WDR70: variants seen among roughly 807,000 people sequenced by gnomAD.
WDR70 encodes the protein WD repeat domain 70.
In WDR70, 53 loss-of-function variants were observed where a neutral mutation model predicts 88.6. The ratio of observed to expected loss-of-function variants is 0.60; its 90% CI spans 0.48 to 0.75. The LOEUF (loss-of-function observed/expected upper bound fraction) is 0.75, where lower values mean the gene tolerates loss of function less well. Ranked by LOEUF, WDR70 falls within the 30% of genes least tolerant of loss-of-function variation. The probability of loss-of-function intolerance (pLI) is 0.00; values close to 1 mark genes in which losing one functional copy is unlikely to be tolerated. For synonymous variants in WDR70, 280 were observed against 270.0 expected (o/e 1.04, Z -0.36); for missense variants, 610 against 823.2 (o/e 0.74, Z 3.17).
At chr5:37,433,735 C>G (rs1474530510) in intron 5 of WDR70, among the ~76,000 whole-genome samples, 1 of 152,146 alleles carries the variant, frequency 6.6e-6, no homozygotes, top group East Asian at 1.9e-4. Flanking sequence ...TACCAGAAAT[C>G]TCTTTTCTAA....
intron 10 of WDR70, among the ~76,000 whole-genome samples, chr5:37,620,517 A>T (rs936897033): frequency 6.6e-6 from 1 of 152,202 alleles, no homozygotes; most frequent in Non-Finnish European, 1.5e-5. Flanking sequence ...TACATTTTAT[A>T]TTGTGACTGA....
chr5:37,600,202 A>G (rs961964012), intron 9 of WDR70, among the ~76,000 whole-genome samples: 3 of 152,190 alleles, frequency 2.0e-5, no homozygotes, highest in Non-Finnish European at 2.9e-5. Context: ...AATGTATCTG[A>G]TAAGGTACTG....
chr5:37,480,056 C>T, intron 8 of WDR70, 69 bp downstream of exon 8: 1 of 1,524,468 alleles, frequency 6.6e-7, no homozygotes, highest in Non-Finnish European at 8.8e-7. Context: ...TTTGAGTTAT[C>T]ATGTAATAAT....
intron 7 of WDR70, among the ~76,000 whole-genome samples, chr5:37,444,172 AC>A: frequency 6.6e-6 from 1 of 151,946 alleles, no homozygotes; most frequent in Admixed American, 6.6e-5. Flanking sequence ...TAAAAAAAAA[AC>A]AAAACTTTGT....
At chr5:37,493,495 T>C (rs1740127444) in intron 8 of WDR70, among the ~76,000 whole-genome samples, 1 of 152,174 alleles carries the variant, frequency 6.6e-6, no homozygotes, top group Non-Finnish European at 1.5e-5. Context: ...GAACTTGTAT[T>C]GTGCCAGCAA....
intron 5 of WDR70, among the ~76,000 whole-genome samples, chr5:37,423,763 A>G (rs1750026593): frequency 6.7e-6 from 1 of 148,972 alleles, no homozygotes; most frequent in Non-Finnish European, 1.5e-5. Flanking sequence ...ATGGGGTTTC[A>G]CTGTTGGCCA....
At chr5:37,441,359 GTAT>G (rs1464925040) in intron 6 of WDR70, among the ~76,000 whole-genome samples, 4 of 152,008 alleles carry the variant, frequency 2.6e-5, no homozygotes, top group Non-Finnish European at 5.9e-5. Context: ...TTTAACATAA[GTAT>G]TATTATTTAT....
At chr5:37,727,389 G>C (rs1431735246) in intron 17 of WDR70, among the ~76,000 whole-genome samples, 3 of 152,064 alleles carry the variant, frequency 2.0e-5, no homozygotes, top group African/African-American at 7.2e-5. Flanking sequence ...GCAGTTTGTA[G>C]GTCTGTTATT....
At chr5:37,731,008 G>A (rs1404500292) in intron 17 of WDR70, among the ~76,000 whole-genome samples, 1 of 152,170 alleles carries the variant, frequency 6.6e-6, no homozygotes, top group African/African-American at 2.4e-5. Flanking sequence ...AAGCCATCAA[G>A]TGTGCAGTAT....
chr5:37,400,926 A>G (rs1229065937), intron 5 of WDR70, among the ~76,000 whole-genome samples: 1 of 152,202 alleles, frequency 6.6e-6, no homozygotes, highest in African/African-American at 2.4e-5. Flanking sequence ...GATGAGGAGG[A>G]TGAGATCAAA....
intron 5 of WDR70, among the ~76,000 whole-genome samples, chr5:37,427,441 C>G (rs982688783): frequency 6.6e-6 from 1 of 151,996 alleles, no homozygotes; most frequent in Admixed American, 6.5e-5. Flanking sequence ...GATTCTTATA[C>G]ACATGCACAC....
chr5:37,676,201 C>G (rs1561064245), intron 10 of WDR70, among the ~76,000 whole-genome samples: 2 of 151,544 alleles, frequency 1.3e-5, no homozygotes, highest in Admixed American at 6.6e-5. Flanking sequence ...TTGACATCCT[C>G]TTTTCCTAAT....
At position 37,567,879 on chromosome 5, in the gene WDR70, G is replaced by A. The variant is rs559018401; in HGVS notation, c.918-37185G>A. ...CTGTAGCACTTTTCAGAAATTAGAGGGTCATCCAGCAAAACTAGGCCACAT... is the reference window on the plus strand; with the variant it reads ...CTGTAGCACTTTTCAGAAATTAGAGAGTCATCCAGCAAAACTAGGCCACAT... On this transcript the variant is annotated intron_variant, in intron 9 of 17. Transcript: ENST00000265107. Among the ~76,000 whole-genome samples, 211 of 152,006 alleles carry A rather than the reference G, an allele frequency of 1.4e-3. 1 individual carries two copies. The highest frequency in any genetic ancestry group is 2.2e-3 in the Non-Finnish European group (151 of 67,998).
rs545175752 is a variant in WDR70 at position 37,432,853 on chromosome 5, G to A, written c.493-5069G>A. Among the ~76,000 whole-genome samples the A allele has an allele frequency of 2.1e-3, 323 of 152,152 alleles. 3 individuals are homozygous for A. The highest frequency in any genetic ancestry group is 7.4e-3 in the African/African-American group (309 of 41,514). ...GCTGGGATTATAGGCGTGAGCCACCGCACCCGGCCTTTTGCTCATTTTAAA... is the reference window on the plus strand; with the variant it reads ...GCTGGGATTATAGGCGTGAGCCACCACACCCGGCCTTTTGCTCATTTTAAA... On this transcript the variant is annotated intron_variant, in intron 5 of 17. Transcript: ENST00000265107.
intron 5 of WDR70, among the ~76,000 whole-genome samples, chr5:37,397,889 G>A (rs1749071104): frequency 1.3e-5 from 2 of 151,576 alleles, no homozygotes; most frequent in East Asian, 2.0e-4. Flanking sequence ...GCAGCTACTC[G>A]GGAGGCTGAA....
chr5:37,752,404 C>A, intron 17 of WDR70, 82 bp from the exon 18 acceptor site: 1 of 986,354 alleles, frequency 1.0e-6, no homozygotes, highest in Non-Finnish European at 1.5e-6. Context: ...CATTTGCTCC[C>A]ACTTGATGAA....
At chr5:37,748,047 AAAATGGCCATACTACCC>A (rs1245221391) in intron 17 of WDR70, among the ~76,000 whole-genome samples, 1 of 152,244 alleles carries the variant, frequency 6.6e-6, no homozygotes, top group Non-Finnish European at 1.5e-5. Context: ...CAGTATGGTG[AAAATGGCCATACTACCC>A]AAAGTAATTT....
chr5:37,740,148 C>T (rs1748431279), intron 17 of WDR70, among the ~76,000 whole-genome samples: 3 of 152,130 alleles, frequency 2.0e-5, no homozygotes, highest in South Asian at 4.1e-4. Flanking sequence ...AGACCATCCC[C>T]CAGGGAAGAA....
At chr5:37,693,812 T>TAA (rs1326619810) in intron 10 of WDR70, among the ~76,000 whole-genome samples, 1 of 152,158 alleles carries the variant, frequency 6.6e-6, no homozygotes, top group Non-Finnish European at 1.5e-5. Context: ...ACTTCATGAC[T>TAA]AAAACACCAA....
Sources: allele counts gnomAD v4.1 joint callset (sites outside exome capture counted in the v4.1 genomes callset), GRCh38; gene constraint gnomAD v4.1.1; transcripts MANE v1.5; gene names NCBI Gene and HGNC (gene_info 2026-07-23, HGNC 2026-07-21).